Variants in BBS7 observed in about 807,000 individuals in gnomAD.
BBS7 encodes the protein BBSome complex member BBS7.
A neutral mutation model predicts 90.3 loss-of-function variants in BBS7; 50 were observed. That is an observed-to-expected ratio of 0.55 (90% CI 0.44 to 0.70). BBS7 has a LOEUF of 0.70. BBS7 is among the 30% of genes least tolerant of loss of function. BBS7 has a pLI of 0.00. For missense variants in BBS7, 729 were observed against 838.9 expected, an observed-to-expected ratio of 0.87 and a Z score of 1.62; for synonymous variants, 235 against 287.4, an observed-to-expected ratio of 0.82 and a Z score of 1.85.
intron 11 of BBS7, 151 bp downstream of exon 11, chr4:121,845,353 G>C: frequency 4.9e-6 from 2 of 404,860 alleles, no homozygotes; most frequent in Non-Finnish European, 8.2e-6. Context: ...AGGTGACAGA[G>C]TAAAACTCTG....
chr4:121,856,828 G>A (rs1726699458), intron 5 of BBS7, among the ~76,000 whole-genome samples: 1 of 149,154 alleles, frequency 6.7e-6, no homozygotes, highest in East Asian at 2.0e-4. Context: ...GAAATGCAAT[G>A]CTGTGACCTC....
chr4:121,834,491 T>C (rs1725349565), intron 14 of BBS7, among the ~76,000 whole-genome samples: 1 of 152,222 alleles, frequency 6.6e-6, no homozygotes, highest in African/African-American at 2.4e-5. Flanking sequence ...CTTCAATTCA[T>C]AGCTTTAGTC....
At chr4:121,848,751 G>C in intron 9 of BBS7, 93 bp downstream of exon 9, 1 of 1,060,970 alleles carries the variant, frequency 9.4e-7, no homozygotes, top group South Asian at 1.3e-5. Flanking sequence ...TACTATAACT[G>C]TTTTTTAAAA....
intron 3 of BBS7, among the ~76,000 whole-genome samples, chr4:121,861,976 G>A (rs1376221784): frequency 1.3e-5 from 2 of 152,146 alleles, no homozygotes; most frequent in African/African-American, 4.8e-5. Context: ...TATTTAAAAT[G>A]CAGCAGATCA....
rs753795840 is a variant in BBS7 at position 121,828,171 on chromosome 4, T to C, written c.1989A>G (p.Gln663=). 1.2e-6 allele frequency: 2 copies of C among 1,613,756 alleles called. No homozygotes were observed. The highest frequency in any genetic ancestry group is 1.3e-5 in the African/African-American group (1 of 74,910). ...ADHLQEEYKK[Q]PAHLERLYGM... is the part of the protein sequence containing the mutation. ...CATAGAGTCTTTCAAGATGTGCAGG[T>C]TGCTTTTTGTATTCTTCCTGTAGGT... Residue 663 remains glutamine (Q), a synonymous_variant, in exon 18 of 19, where the codon CAA becomes CAG. Transcript: ENST00000264499.
rs370510563 is a variant in BBS7 at position 121,854,772 on chromosome 4, G to T, written c.650C>A (p.Ala217Glu). ...TTTGGATGTAGTAATCTGTATAAGC[G>T]CAAGTTTTCCGTCTGATGTCCCAAA... ...LLFGTSDGKL[A>E]LIQITTSKPV... is the part of the protein sequence containing the mutation. Residue 217 changes from alanine to glutamate, a missense_variant, in exon 7 of 19, where the codon GCG becomes GAG. Transcript: ENST00000264499. 6.2e-7 allele frequency: 1 copy of T among 1,612,486 alleles called. No homozygotes were observed. The highest frequency in any genetic ancestry group is 1.1e-5 in the South Asian group (1 of 90,926).
chr4:121,845,991 TAC>T (rs1360451175), intron 10 of BBS7, among the ~76,000 whole-genome samples: 1 of 152,176 alleles, frequency 6.6e-6, no homozygotes, highest in Non-Finnish European at 1.5e-5. Context: ...GGAATCTTGT[TAC>T]AGTTACATAA....
At chr4:121,839,599 A>G (rs369378729) in intron 13 of BBS7, 32 bp downstream of exon 13, 10 of 1,555,032 alleles carry the variant, frequency 6.4e-6, no homozygotes, top group Non-Finnish European at 8.9e-6. Context: ...AAATTCAAAC[A>G]TTCAAGTAAA....
intron 2 of BBS7, 37 bp from the exon 3 acceptor site, chr4:121,863,316 T>A (rs769953809): frequency 2.6e-6 from 4 of 1,511,772 alleles, no homozygotes; most frequent in Non-Finnish European, 3.7e-6. Context: ...ATTACTATTA[T>A]TAATATTATG....
rs1724829391 is a variant in BBS7, at chr4:121,824,724, T to G, written c.*1136A>C. Reference sequence around the variant, plus strand: ...TTTTTTAAACATAGTAAAAACAATATGACCTTATTAAAATAAAACTCTCTT... The same window carrying G: ...TTTTTTAAACATAGTAAAAACAATAGGACCTTATTAAAATAAAACTCTCTT... On this transcript the variant is annotated 3_prime_UTR_variant, in exon 19 of 19. Transcript: ENST00000264499. The surrounding 1 kb of genome is among the most constrained non-coding windows in gnomAD (Gnocchi z 4.1). The G allele has an allele frequency of 6.6e-6, 1 of 151,958 alleles. No individual in the cohort carries two copies. Among genetic ancestry groups the G allele is most frequent in the African/African-American group, 2.4e-5 (1 of 41,420 alleles). The allele number at this position is 151,958 out of a possible 1,614,324, so 9.4% of individuals were successfully genotyped here. A position where few individuals can be genotyped will look rare whatever the true frequency, so the allele number is the denominator to read the frequency against.
chr4:121,844,025 G>T (rs1366321558), intron 11 of BBS7, 24 bp from the exon 12 acceptor site: 6 of 1,465,834 alleles, frequency 4.1e-6, no homozygotes, highest in Non-Finnish European at 5.6e-6. Flanking sequence ...TAAAAAAAAA[G>T]AAGGTTGAGA....
At chr4:121,835,915 G>A (rs976077890) in intron 13 of BBS7, among the ~76,000 whole-genome samples, 2 of 152,042 alleles carry the variant, frequency 1.3e-5, no homozygotes, top group African/African-American at 4.8e-5. Context: ...TCCCACCCCA[G>A]ATGATCACTA....
In BBS7 at chr4:121,828,401, CT is replaced by C; in HGVS notation, c.1890del (p.Glu631AsnfsTer12). ...CAGTCCACGACGACACATGTACTTA[CT>C]TTTAAAGCATCAATTAACTGCACTT... ...AKKVQLIDAL[K>X]ELQIHEGNTN... On this transcript the variant is annotated frameshift_variant and splice_region_variant, in exon 17 of 19. Coordinates refer to ENST00000264499, the MANE Select transcript of BBS7 (RefSeq NM_176824.3). LOFTEE classifies it high-confidence loss of function. 1 of 1,612,666 alleles carries C rather than the reference CT, an allele frequency of 6.2e-7. No individual in the cohort carries two copies. Among genetic ancestry groups the C allele is most frequent in the Non-Finnish European group, 8.5e-7 (1 of 1,178,724 alleles).
chr4:121,854,806 C>A lies in BBS7; in HGVS notation c.616G>T (p.Asp206Tyr). 1 of 1,612,002 alleles carries A rather than the reference C, an allele frequency of 6.2e-7. No homozygotes were observed. Among genetic ancestry groups the A allele is most frequent in the Non-Finnish European group, 8.5e-7 (1 of 1,178,618 alleles). ...HNGNGGDSGE[D>Y]LLFGTSDGKL... ...CCGTCTGATGTCCCAAACAAAAGGT[C>A]TTCTCCAGAGTCACCTACTTATAAT... is the stretch of plus-strand genomic sequence containing the variant. The change falls in exon 7 of 19, where the codon GAC (aspartate) becomes TAC (tyrosine). Residue 206 changes from aspartate to tyrosine, a missense_variant. Transcript: ENST00000264499.
At chr4:121,863,099 A>T in intron 3 of BBS7, 118 bp downstream of exon 3, 1 of 934,696 alleles carries the variant, frequency 1.1e-6, no homozygotes, top group Non-Finnish European at 1.7e-6. Context: ...ATAACTACTT[A>T]CCTCAGAACC....
intron 8 of BBS7, among the ~76,000 whole-genome samples, chr4:121,851,327 C>T (rs1305825562): frequency 8.3e-5 from 12 of 145,160 alleles, no homozygotes; most frequent in African/African-American, 2.5e-4. Flanking sequence ...ATAAAAAAAT[C>T]GGGGCTACTC....
At chr4:121,832,678 A>C (rs1725258566) in intron 15 of BBS7, among the ~76,000 whole-genome samples, 1 of 152,258 alleles carries the variant, frequency 6.6e-6, no homozygotes, top group East Asian at 1.9e-4. Flanking sequence ...AGCTACAAAA[A>C]GCCTGCATTT....
chr4:121,849,595 G>C (rs186043559), intron 8 of BBS7, among the ~76,000 whole-genome samples: 73 of 152,268 alleles, frequency 4.8e-4, no homozygotes, highest in Admixed American at 2.1e-3. Flanking sequence ...TTGGGAAGCC[G>C]AGGTGGGCGG....
In BBS7 at chr4:121,828,605, TTTTG is replaced by T. The variant is rs747246136; in HGVS notation, c.1786+10_1786+13del. On this transcript the variant is annotated intron_variant, in intron 16 of 18. Coordinates refer to ENST00000264499, the MANE Select transcript of BBS7 (RefSeq NM_176824.3). ...AATAAACATCAGAAAGAATTATTAATTTTGTTTGTTTACCGTATGATATGTTGAG... is the reference window on the plus strand; with the variant it reads ...AATAAACATCAGAAAGAATTATTAATTTTGTTTACCGTATGATATGTTGAG... 25 of 1,568,316 alleles carry T rather than the reference TTTTG, an allele frequency of 1.6e-5. No homozygotes were observed. Among genetic ancestry groups the T allele is most frequent in the Middle Eastern group, 3.3e-4 (2 of 5,972 alleles).
Sources: allele counts gnomAD v4.1 joint callset (sites outside exome capture counted in the v4.1 genomes callset), GRCh38; gene constraint gnomAD v4.1.1; non-coding constraint Gnocchi (gnomAD v3.1); transcripts MANE v1.5; gene names NCBI Gene and HGNC (gene_info 2026-07-23, HGNC 2026-07-21).